The following ABTB3 variants were observed in gnomAD, a reference collection of about 807,000 sequenced individuals.
ABTB3 encodes ankyrin repeat- and BTB/POZ domain-containing protein 3.
At chr12:107,420,423 A>C in the ABTB3 span, among the ~76,000 whole-genome samples, 8 of 152,354 alleles carry the variant, frequency 5.3e-5, no homozygotes, top group South Asian at 1.2e-3. Context: ...GGCATGTCTT[A>C]CATGGCAGCA....
chr12:107,422,522 G>C, the ABTB3 span, among the ~76,000 whole-genome samples: 3 of 152,228 alleles, frequency 2.0e-5, no homozygotes, highest in Non-Finnish European at 4.4e-5. Context: ...AGAAAGATAA[G>C]AGGGAAACAG....
At chr12:107,551,264 G>A in the ABTB3 span, among the ~76,000 whole-genome samples, 9 of 152,182 alleles carry the variant, frequency 5.9e-5, no homozygotes, top group South Asian at 2.1e-4. Flanking sequence ...ACATGCTAGA[G>A]CGAGAAGATG....
the ABTB3 span, among the ~76,000 whole-genome samples, chr12:107,511,342 C>A: frequency 6.6e-6 from 1 of 152,224 alleles, no homozygotes; most frequent in African/African-American, 2.4e-5. Flanking sequence ...CCAAATTCAG[C>A]GGCTTAAAAC....
the ABTB3 span, among the ~76,000 whole-genome samples, chr12:107,452,701 C>T: frequency 2.0e-5 from 3 of 152,010 alleles, no homozygotes; most frequent in Non-Finnish European, 4.4e-5. Flanking sequence ...AATTAGTCAG[C>T]GTGGTGGCAG....
chr12:107,451,825 A>G, the ABTB3 span, among the ~76,000 whole-genome samples: 9 of 152,218 alleles, frequency 5.9e-5, no homozygotes, highest in Non-Finnish European at 1.0e-4. Flanking sequence ...TAACAGTAAT[A>G]ATACTATAAC....
the ABTB3 span, among the ~76,000 whole-genome samples, chr12:107,407,110 A>G: frequency 1.3e-5 from 2 of 152,166 alleles, no homozygotes; most frequent in Non-Finnish European, 2.9e-5. Flanking sequence ...AGCACTTACA[A>G]CAGTGCTTGC....
the ABTB3 span, among the ~76,000 whole-genome samples, chr12:107,653,539 A>T: frequency 6.6e-6 from 1 of 151,890 alleles, no homozygotes; most frequent in South Asian, 2.1e-4. Flanking sequence ...AGAAAGAAAG[A>T]AAAGAAAAAT....
At chr12:107,320,180 G>A in the ABTB3 span, 1 of 1,337,292 alleles carries the variant, frequency 7.5e-7, no homozygotes. Context: ...ACGCGCTGCT[G>A]TCCCAAGCCG....
At chr12:107,338,947 C>T in the ABTB3 span, among the ~76,000 whole-genome samples, 2 of 152,218 alleles carry the variant, frequency 1.3e-5, no homozygotes, top group Non-Finnish European at 2.9e-5. Flanking sequence ...TTGCCTCAGC[C>T]TCCAGGGTAG....
chr12:107,378,614 C>T, the ABTB3 span, among the ~76,000 whole-genome samples: 1 of 152,254 alleles, frequency 6.6e-6, no homozygotes, highest in African/African-American at 2.4e-5. Flanking sequence ...ATGTTTTTGG[C>T]TCTCACCTTG....
At chr12:107,468,582 G>T in the ABTB3 span, among the ~76,000 whole-genome samples, 1 of 152,162 alleles carries the variant, frequency 6.6e-6, no homozygotes, top group Non-Finnish European at 1.5e-5. Context: ...CATCTATAAA[G>T]ACGGGCTGCG....
At chr12:107,401,750 C>T in the ABTB3 span, among the ~76,000 whole-genome samples, 1,294 of 152,166 alleles carry the variant, frequency 8.5e-3, 19 homozygotes, top group African/African-American at 0.024. Context: ...TCCTGACTGA[C>T]GAAATTCTAG....
At chr12:107,425,395 G>A in the ABTB3 span, among the ~76,000 whole-genome samples, 1 of 152,134 alleles carries the variant, frequency 6.6e-6, no homozygotes, top group African/African-American at 2.4e-5. Flanking sequence ...TGTGGGGTGA[G>A]GAAAATGTTT....
chr12:107,606,458 A>G, the ABTB3 span, among the ~76,000 whole-genome samples: 1 of 152,192 alleles, frequency 6.6e-6, no homozygotes, highest in African/African-American at 2.4e-5. Context: ...CGAGTCTGTG[A>G]GCTCTGTGAA....
the ABTB3 span, among the ~76,000 whole-genome samples, chr12:107,524,836 T>C: frequency 6.6e-6 from 1 of 152,228 alleles, no homozygotes; most frequent in Admixed American, 6.5e-5. Context: ...AGGGTGTCAG[T>C]TGGGTCTGCA....
the ABTB3 span, among the ~76,000 whole-genome samples, chr12:107,496,335 A>G: frequency 6.6e-6 from 1 of 152,016 alleles, no homozygotes; most frequent in African/African-American, 2.4e-5. Flanking sequence ...CTTCATTATT[A>G]ATCCCCCCTT....
chr12:107,370,496 A>T, the ABTB3 span, among the ~76,000 whole-genome samples: 1 of 152,170 alleles, frequency 6.6e-6, no homozygotes, highest in Non-Finnish European at 1.5e-5. Flanking sequence ...ATTTCTTCAC[A>T]TGGGCTTTAG....
chr12:107,503,756 C>CAAAAAAAAAAAAAAAAAAAAAAAAA, the ABTB3 span, among the ~76,000 whole-genome samples: 3 of 70,742 alleles, frequency 4.2e-5, no homozygotes, highest in East Asian at 1.0e-3. Context: ...GACCCTATCT[C>CAAAAAAAAAAAAAAAAAAAAAAAAA]AAAAAAAAAA....
chr12:107,529,241 G>A, the ABTB3 span, among the ~76,000 whole-genome samples: 3 of 151,230 alleles, frequency 2.0e-5, no homozygotes, highest in Admixed American at 2.0e-4. Context: ...TGATAATGAT[G>A]GAGATGATGA....
Sources: gnomAD v4.1 joint callset for allele counts (sites outside exome capture counted in the v4.1 genomes callset) on GRCh38, gnomAD v4.1.1 for gene constraint, MANE v1.5 for transcripts, NCBI Gene and HGNC (gene_info 2026-07-23, HGNC 2026-07-21) for gene names.